IFT80: variants seen among roughly 807,000 people sequenced by gnomAD.
IFT80 encodes the protein intraflagellar transport 80, also known as intraflagellar transport protein 80 homolog.
IFT80 carries 79 observed loss-of-function variants against 107.9 expected under a neutral mutation model. The observed-to-expected ratio is 0.73, with a 90% CI of 0.61 to 0.88. IFT80 has a LOEUF of 0.88. Among genes scored for constraint, IFT80 ranks in the 40% least tolerant of loss-of-function variants. The pLI is 0.00. For synonymous variants in IFT80, 299 were observed against 300.9 expected (o/e 0.99, Z 0.07); for missense variants, 797 against 914.2 (o/e 0.87, Z 1.65).
At chr3:160,320,029 C>T (rs1342947309) in intron 8 of IFT80, 90 bp from the exon 9 acceptor site, 2 of 857,436 alleles carry the variant, frequency 2.3e-6, no homozygotes, top group African/African-American at 1.7e-5. Context: ...GTAATAAGAT[C>T]ATTTTTAAAA....
chr3:160,396,386 A>T (rs1713780864), intron 1 of IFT80, among the ~76,000 whole-genome samples: 1 of 152,168 alleles, frequency 6.6e-6, no homozygotes, highest in Non-Finnish European at 1.5e-5. Context: ...ATTTACAATT[A>T]CAAATTTAAT....
chr3:160,312,506 G>A (rs774516550), intron 9 of IFT80, among the ~76,000 whole-genome samples: 4 of 135,986 alleles, frequency 2.9e-5, no homozygotes, highest in Non-Finnish European at 6.1e-5. Flanking sequence ...GAGACTCCAC[G>A]CTGTATTTTT....
intron 8 of IFT80, among the ~76,000 whole-genome samples, chr3:160,324,515 C>G (rs954945398): frequency 1.3e-5 from 2 of 151,438 alleles, no homozygotes; most frequent in African/African-American, 4.8e-5. Flanking sequence ...ATAAACAGAA[C>G]CAAACACAAA....
At chr3:160,343,875 C>A in intron 8 of IFT80, 1 of 238,116 alleles carries the variant, frequency 4.2e-6, no homozygotes, top group Non-Finnish European at 8.6e-6. Flanking sequence ...AGGGCAAGTA[C>A]CTGGCATCTA....
chr3:160,309,640 T>C (rs1220541072), intron 9 of IFT80, among the ~76,000 whole-genome samples: 2 of 152,040 alleles, frequency 1.3e-5, no homozygotes, highest in Non-Finnish European at 2.9e-5. Context: ...TGAGCTGAGA[T>C]TGTGCCACTG....
At position 160,377,502 on chromosome 3, in the gene IFT80, T is replaced by C; in HGVS notation, c.298A>G (p.Lys100Glu). ...GCTCCACAGTGAGCTTCTACACTTTTTTCCACTCTTCCTAACTTGGAAATC... is the reference window on the plus strand; with the variant it reads ...GCTCCACAGTGAGCTTCTACACTTTCTTCCACTCTTCCTAACTTGGAAATC... ...HLISKLGRVE[K>E]SVEAHCGAVL... The change falls in exon 4 of 20, where the codon AAA becomes GAA. Residue 100 changes from lysine to glutamate, a missense_variant. Physicochemically the swap from Lys to Glu is moderately conservative, Grantham distance 56. Transcript: ENST00000326448. 6.2e-7 allele frequency: 1 copy of C among 1,609,718 alleles called. No individual in the cohort carries two copies. Among genetic ancestry groups the C allele is most frequent in the East Asian group, 2.2e-5 (1 of 44,738 alleles).
At chr3:160,280,843 A>G (rs1210749434) in intron 14 of IFT80, 29 bp from the exon 15 acceptor site, 1 of 1,587,196 alleles carries the variant, frequency 6.3e-7, no homozygotes, top group Non-Finnish European at 8.6e-7. Context: ...TTAATGTGCT[A>G]TTAGCTTTAA....
In IFT80 at chr3:160,399,131, G is replaced by A. The variant is rs757784396; in HGVS notation, c.-47+15C>T. The A allele has an allele frequency of 2.0e-5, 3 of 152,272 alleles. No homozygotes were observed. The highest frequency in any genetic ancestry group is 2.9e-5 in the Non-Finnish European group (2 of 68,114). The allele number at this position is 152,272 out of a possible 1,614,324, so 9.4% of individuals were successfully genotyped here. The stretch of plus-strand genomic sequence containing the variant: ...AAACCCTTTTCTCACCAGGTCCAGA[G>A]GTGAAGGGATTTACCTCAAGTTCCA... On this transcript the variant is annotated intron_variant, in intron 1 of 19. Transcript: ENST00000326448.
At chr3:160,270,790 G>A (rs1317498461) in intron 18 of IFT80, among the ~76,000 whole-genome samples, 2 of 152,078 alleles carry the variant, frequency 1.3e-5, no homozygotes, top group African/African-American at 4.8e-5. Flanking sequence ...TGTGTGAGTG[G>A]AGACTGATGA....
intron 8 of IFT80, among the ~76,000 whole-genome samples, chr3:160,348,844 T>C (rs747018543): frequency 1.1e-4 from 17 of 152,214 alleles, no homozygotes; most frequent in Non-Finnish European, 2.2e-4. Flanking sequence ...TAATGTGTTA[T>C]TTCATTTATA....
Position 160,357,920 on chromosome 3 carries a change from G to A in IFT80, c.550-342C>T, listed in dbSNP as rs146715600. ...TGAATATGTTATGTATTCCAAAAAT[G>A]TCAACTGAATCCAAATCTTGCTTTC... On this transcript the variant is annotated intron_variant, in intron 6 of 19. Coordinates refer to ENST00000326448, the MANE Select transcript of IFT80 (RefSeq NM_020800.3). 2.5e-4 allele frequency among the ~76,000 whole-genome samples: 38 copies of A among 152,288 alleles called. No individual in the cohort carries two copies. In the East Asian group the frequency reaches 7.3e-3, roughly 29 times the overall value.
At chr3:160,324,137 A>G (rs1333055316) in intron 8 of IFT80, among the ~76,000 whole-genome samples, 1 of 152,182 alleles carries the variant, frequency 6.6e-6, no homozygotes, top group Admixed American at 6.6e-5. Flanking sequence ...GCAATAATCA[A>G]TAGCTTACCA....
intron 15 of IFT80, among the ~76,000 whole-genome samples, chr3:160,280,091 C>T (rs1714568950): frequency 6.6e-6 from 1 of 152,062 alleles, no homozygotes; most frequent in African/African-American, 2.4e-5. Context: ...GAAAACTAAG[C>T]TAAGGTCTAG....
intron 6 of IFT80, among the ~76,000 whole-genome samples, chr3:160,360,517 T>C (rs1208131807): frequency 6.6e-6 from 1 of 152,182 alleles, no homozygotes; most frequent in East Asian, 1.9e-4. Context: ...ACAACAAAGA[T>C]ACTCCTCAAG....
chr3:160,356,552 A>G (rs1314877413), intron 7 of IFT80, among the ~76,000 whole-genome samples: 1 of 152,120 alleles, frequency 6.6e-6, no homozygotes, highest in African/African-American at 2.4e-5. Flanking sequence ...ACAGGGTCTC[A>G]CTCTGTGGCC....
At chr3:160,273,894 A>C (rs959618404) in intron 18 of IFT80, among the ~76,000 whole-genome samples, 9 of 152,172 alleles carry the variant, frequency 5.9e-5, no homozygotes, top group Admixed American at 4.6e-4. Flanking sequence ...AATTAGGTAA[A>C]AGCAAGAAAC....
chr3:160,358,001 T>A (rs934030400), intron 6 of IFT80, among the ~76,000 whole-genome samples: 6 of 152,040 alleles, frequency 3.9e-5, no homozygotes, highest in Non-Finnish European at 1.5e-5. Flanking sequence ...TTTACTTATT[T>A]ATTTTATTTA....
rs557182045 is a variant in IFT80 at position 160,361,498 on chromosome 3, C to A, written c.550-3920G>T. Among the ~76,000 whole-genome samples, 117 of 152,214 alleles carry A rather than the reference C, an allele frequency of 7.7e-4. 1 individual carries two copies. The South Asian group carries it at 0.019, about 25-fold the overall frequency. ...AGAAGGTTAACAAGGATATCCAGGACTTGAACTCAGCTCTGCACCAAGCAG... is the reference window on the plus strand; with the variant it reads ...AGAAGGTTAACAAGGATATCCAGGAATTGAACTCAGCTCTGCACCAAGCAG... On this transcript the variant is annotated intron_variant, in intron 6 of 19. Transcript: ENST00000326448.
At chr3:160,347,842 C>T (rs921412015) in intron 8 of IFT80, among the ~76,000 whole-genome samples, 2 of 152,138 alleles carry the variant, frequency 1.3e-5, no homozygotes, top group African/African-American at 4.8e-5. Flanking sequence ...ACTATTAATA[C>T]TGTGATGAAA....
Sources: gnomAD v4.1 joint callset for allele counts (sites outside exome capture counted in the v4.1 genomes callset) on GRCh38, gnomAD v4.1.1 for gene constraint, MANE v1.5 for transcripts, NCBI Gene and HGNC (gene_info 2026-07-23, HGNC 2026-07-21) for gene names.